Variants in CSMD2 observed in about 807,000 individuals in gnomAD.
CSMD2 encodes the protein CUB and sushi domain-containing protein 2.
CSMD2 carries 130 observed loss-of-function variants against 398.5 expected under a neutral mutation model. That is an observed-to-expected ratio of 0.33 (90% CI 0.28 to 0.38). The LOEUF (loss-of-function observed/expected upper bound fraction) is 0.38. CSMD2 is among the 10% of genes least tolerant of loss of function. The pLI is 1.00. For missense variants in CSMD2, 3,829 were observed against 4,764.9 expected (o/e 0.80, Z 5.78); for synonymous variants, 1,828 against 1,908.5 (o/e 0.96, Z 1.10).
rs145795003 is a variant in CSMD2 at position 33,847,831 on chromosome 1, C to T, written c.921-835G>A. Among the ~76,000 whole-genome samples the T allele has an allele frequency of 3.7e-3, 570 of 152,118 alleles. 6 individuals are homozygous for T. Among genetic ancestry groups the T allele is most frequent in the African/African-American group, 0.013 (529 of 41,504 alleles). ...ATCTAAAACATGGGGATCATGATGACCCCTCCCTCAAAAGCTTGCAAGGAT... is the reference window on the plus strand; with the variant it reads ...ATCTAAAACATGGGGATCATGATGATCCCTCCCTCAAAAGCTTGCAAGGAT... On this transcript the variant is annotated intron_variant, in intron 5 of 70. Transcript: ENST00000373381.
intron 55 of CSMD2, among the ~76,000 whole-genome samples, chr1:33,556,450 A>G (rs1657982958): frequency 6.6e-6 from 1 of 152,228 alleles, no homozygotes; most frequent in African/African-American, 2.4e-5. Context: ...TGCCAAAGGT[A>G]GGTGGACTGC....
intron 2 of CSMD2, among the ~76,000 whole-genome samples, chr1:34,073,984 C>A (rs1416327307): frequency 6.6e-6 from 1 of 152,204 alleles, no homozygotes; most frequent in Admixed American, 6.5e-5. Flanking sequence ...AAAGCAGGAG[C>A]AACAGAGATG....
Position 33,891,374 on chromosome 1 carries a change from G to T in CSMD2, c.920+26720C>A, listed in dbSNP as rs529849370. ...ATACCATCTCACACCAGTTAGAATG[G>T]CAATCATTAAAAAGTCAGGAAACAA... On this transcript the variant is annotated intron_variant, in intron 5 of 70. Transcript: ENST00000373381. Among the ~76,000 whole-genome samples, 9 of 150,824 alleles carry T rather than the reference G, an allele frequency of 6.0e-5. No homozygotes were observed. In the East Asian group the frequency reaches 1.8e-3, roughly 29 times the overall value.
chr1:33,894,196 G>T (rs1188235521), intron 5 of CSMD2, among the ~76,000 whole-genome samples: 8 of 152,168 alleles, frequency 5.3e-5, no homozygotes. Context: ...AGTGAGCTGG[G>T]TCTCACTCCA....
chr1:33,622,448 T>C (rs1641833842), intron 36 of CSMD2, among the ~76,000 whole-genome samples, 177 bp from the exon 37 acceptor site: 1 of 152,214 alleles, frequency 6.6e-6, no homozygotes, highest in Non-Finnish European at 1.5e-5. Context: ...GCTAGGTCTC[T>C]ACTGGCTGAG....
rs994091668 is a variant in CSMD2 at position 33,537,734 on chromosome 1, G to A, written c.9632-125C>T. On this transcript the variant is annotated intron_variant, in intron 60 of 70. Coordinates refer to ENST00000373381, the MANE Select transcript of CSMD2 (RefSeq NM_001281956.2). The surrounding 1 kb of genome is among the most constrained non-coding windows in gnomAD (Gnocchi z 4.6). ...TGGTTGAGCTTGAACTCTGGGAACC[G>A]GGGCAGCCCCAGGTAGGTGCTTCCA... is the stretch of plus-strand genomic sequence containing the variant. The A allele has an allele frequency of 9.6e-6, 10 of 1,038,032 alleles. No homozygotes were observed. The highest frequency in any genetic ancestry group is 6.0e-5 in the Admixed American group (2 of 33,138). The allele number at this position is 1,038,032 out of a possible 1,614,324, so 64.3% of individuals were successfully genotyped here.
chr1:33,726,743 A>C (rs1646546334), intron 15 of CSMD2, 58 bp from the exon 16 acceptor site: 1 of 1,527,976 alleles, frequency 6.5e-7, no homozygotes, highest in Admixed American at 2.0e-5. Context: ...GTAAACAAAC[A>C]GAAAATCTCT....
chr1:34,039,597 C>T (rs998083713), intron 2 of CSMD2, among the ~76,000 whole-genome samples: 4 of 152,166 alleles, frequency 2.6e-5, no homozygotes, highest in Non-Finnish European at 5.9e-5. Flanking sequence ...GCATACTATG[C>T]CATGCAGGGC....
At chr1:34,119,669 T>C (rs1344913369) in intron 1 of CSMD2, among the ~76,000 whole-genome samples, 2 of 152,216 alleles carry the variant, frequency 1.3e-5, no homozygotes, top group Non-Finnish European at 2.9e-5. Context: ...TATGAAATTA[T>C]GTTCAACATT....
At position 33,533,771 on chromosome 1, in the gene CSMD2, G is replaced by A. The variant is rs373183664; in HGVS notation, c.9991+25C>T. 4.9e-4 allele frequency: 728 copies of A among 1,483,624 alleles called. No individual in the cohort carries two copies. Among genetic ancestry groups the A allele is most frequent in the Non-Finnish European group, 6.5e-4 (688 of 1,061,732 alleles). The allele number at this position is 1,483,624 out of a possible 1,614,324, so 91.9% of individuals were successfully genotyped here. A position where few individuals can be genotyped will look rare whatever the true frequency, so the allele number is the denominator to read the frequency against. On this transcript the variant is annotated intron_variant, in intron 63 of 70. Transcript: ENST00000373381. This position sits in a 1 kb window ranked among gnomAD's most constrained non-coding sequence, Gnocchi z 4.2. The stretch of plus-strand genomic sequence containing the variant: ...AGCTGGGGCAAGAGGAATTTTCTTG[G>A]GATGTGGGTGAAGTCTGCACTCACG...
chr1:33,764,926 G>C (rs749209159), intron 13 of CSMD2, among the ~76,000 whole-genome samples: 1 of 152,190 alleles, frequency 6.6e-6, no homozygotes, highest in Non-Finnish European at 1.5e-5. Context: ...TGCTTCACCT[G>C]TGCATGTGGC....
In CSMD2 at chr1:33,625,249, G is replaced by A; in HGVS notation, c.5302C>T (p.Pro1768Ser). The change falls in exon 34 of 71, where the codon CCT becomes TCT. Residue 1768 changes from proline to serine, a missense_variant. Transcript: ENST00000373381. ...CTGCACTGCGTGGCGCTGGTTCGAG[G>A]AACCGCTGTGGGGGACAAGGGCACT... ...RGFHFVYQAV[P>S]RTSATQCSSV... is the part of the protein sequence containing the mutation. 1.9e-6 allele frequency: 3 copies of A among 1,610,626 alleles called. No individual in the cohort carries two copies. Among genetic ancestry groups the A allele is most frequent in the East Asian group, 2.2e-5 (1 of 44,766 alleles).
chr1:34,055,777 G>GCATGATTA (rs1463067762), intron 2 of CSMD2, among the ~76,000 whole-genome samples: 1 of 152,100 alleles, frequency 6.6e-6, no homozygotes, highest in African/African-American at 2.4e-5. Context: ...CATTACATAG[G>GCATGATTA]CATGATTAAT....
chr1:33,658,176 G>A, intron 26 of CSMD2, 39 bp from the exon 27 acceptor site: 1 of 1,568,518 alleles, frequency 6.4e-7, no homozygotes, highest in Non-Finnish European at 8.7e-7. Context: ...AGGTCGCCTG[G>A]GTGTCTGCCA....
intron 3 of CSMD2, among the ~76,000 whole-genome samples, chr1:33,942,969 C>A (rs1439346861): frequency 6.6e-6 from 1 of 152,178 alleles, no homozygotes; most frequent in African/African-American, 2.4e-5. Flanking sequence ...CTTCTCACTG[C>A]TGGCCTTGCC....
At chr1:33,866,373 A>G (rs1640034812) in intron 5 of CSMD2, among the ~76,000 whole-genome samples, 1 of 152,370 alleles carries the variant, frequency 6.6e-6, no homozygotes, top group East Asian at 1.9e-4. Flanking sequence ...AAGTGAATGC[A>G]GAAAGTAATG....
chr1:33,891,899 T>G (rs1570416850), intron 5 of CSMD2, among the ~76,000 whole-genome samples: 1 of 72,284 alleles, frequency 1.4e-5, no homozygotes, highest in Non-Finnish European at 2.4e-5. Flanking sequence ...GGGACTGTTG[T>G]GGGGTGGGGG....
intron 3 of CSMD2, among the ~76,000 whole-genome samples, chr1:33,954,373 G>A (rs1253119594): frequency 6.6e-6 from 1 of 152,028 alleles, no homozygotes; most frequent in Non-Finnish European, 1.5e-5. Flanking sequence ...GAGGCCAAGT[G>A]AGGGGTATGG....
chr1:33,583,905 A>G (rs1638896679), intron 46 of CSMD2, 75 bp from the exon 47 acceptor site: 1 of 1,272,050 alleles, frequency 7.9e-7, no homozygotes, highest in Non-Finnish European at 1.1e-6. Context: ...TGCTTTTCCC[A>G]ATACTAAAGA....
Sources: allele counts gnomAD v4.1 joint callset (sites outside exome capture counted in the v4.1 genomes callset), GRCh38; gene constraint gnomAD v4.1.1; non-coding constraint Gnocchi (gnomAD v3.1); transcripts MANE v1.5; gene names NCBI Gene and HGNC (gene_info 2026-07-23, HGNC 2026-07-21).